VAV2: variants seen among roughly 807,000 people sequenced by gnomAD.
VAV2 encodes the protein vav guanine nucleotide exchange factor 2, also known as guanine nucleotide exchange factor VAV2.
VAV2 carries 67 observed loss-of-function variants against 132.5 expected under a neutral mutation model. That is an observed-to-expected ratio of 0.51 (90% confidence interval 0.42 to 0.62). The LOEUF is 0.62. Among genes scored for constraint, VAV2 ranks in the 20% least tolerant of loss-of-function variants. VAV2 has a pLI of 0.00. For missense variants in VAV2, 938 were observed against 1,153.6 expected (o/e 0.81, Z 2.71); for synonymous variants, 492 against 443.5 (o/e 1.11, Z -1.37).
At chr9:133,938,975 G>C in intron 2 of VAV2, 128 bp downstream of exon 2, 1 of 849,130 alleles carries the variant, frequency 1.2e-6, no homozygotes, top group Non-Finnish European at 2.0e-6. Context: ...GGACATGAGG[G>C]TGCAGAAATC....
At chr9:133,811,632 C>T (rs1304364853) in intron 5 of VAV2, among the ~76,000 whole-genome samples, 1 of 152,224 alleles carries the variant, frequency 6.6e-6, no homozygotes, top group Non-Finnish European at 1.5e-5. Context: ...TGGAAATAAA[C>T]ATCCTCCAAA....
intron 4 of VAV2, among the ~76,000 whole-genome samples, chr9:133,832,378 C>T (rs1330181508): frequency 6.6e-6 from 1 of 152,144 alleles, no homozygotes; most frequent in Non-Finnish European, 1.5e-5. Context: ...AGTAGGGTGG[C>T]TGCAGACTCT....
At chr9:133,960,763 G>A (rs543577523) in intron 1 of VAV2, among the ~76,000 whole-genome samples, 3 of 152,308 alleles carry the variant, frequency 2.0e-5, no homozygotes, top group Non-Finnish European at 4.4e-5. Context: ...TTTGTGGAAC[G>A]CAGGAGTCCC....
chr9:133,866,074 T>C (rs1365850718), intron 2 of VAV2, among the ~76,000 whole-genome samples: 1 of 152,108 alleles, frequency 6.6e-6, no homozygotes, highest in Non-Finnish European at 1.5e-5. Flanking sequence ...ACTGCCTCCA[T>C]TCCATCTCCC....
At chr9:133,979,657 A>G (rs971574031) in intron 1 of VAV2, among the ~76,000 whole-genome samples, 3 of 152,188 alleles carry the variant, frequency 2.0e-5, no homozygotes, top group Non-Finnish European at 2.9e-5. Flanking sequence ...GCCTCCGGCC[A>G]TGTCCCAGAG....
chr9:133,929,184 C>T (rs1282026297), intron 2 of VAV2, among the ~76,000 whole-genome samples: 12 of 152,148 alleles, frequency 7.9e-5, no homozygotes, highest in Admixed American at 7.2e-4. Flanking sequence ...CTGTCCCCAG[C>T]CCTCAATGGT....
At chr9:133,881,604 T>C (rs1838499084) in intron 2 of VAV2, among the ~76,000 whole-genome samples, 2 of 152,180 alleles carry the variant, frequency 1.3e-5, no homozygotes, top group African/African-American at 2.4e-5. Flanking sequence ...CTGAGATCCA[T>C]GGTGGGCCTG....
chr9:133,895,457 C>T (rs56342136), intron 2 of VAV2, among the ~76,000 whole-genome samples: 10,769 of 152,250 alleles, frequency 0.071, 673 homozygotes, highest in African/African-American at 0.17. Context: ...AAACAAATTG[C>T]GGTGGAGCCA....
chr9:133,787,282 G>A (rs745403466), intron 15 of VAV2, 22 bp from the exon 16 acceptor site: 1 of 1,578,344 alleles, frequency 6.3e-7, no homozygotes, highest in Non-Finnish European at 8.6e-7. Context: ...GGAGAGGAGA[G>A]GAAGGGGAAG....
intron 24 of VAV2, among the ~76,000 whole-genome samples, chr9:133,775,260 G>C (rs1395412860): frequency 6.6e-6 from 1 of 152,170 alleles, no homozygotes; most frequent in Non-Finnish European, 1.5e-5. Context: ...TCCTACAGTG[G>C]GATACAGTGA....
At chr9:133,895,482 G>A (rs926529462) in intron 2 of VAV2, among the ~76,000 whole-genome samples, 2 of 152,222 alleles carry the variant, frequency 1.3e-5, no homozygotes, top group South Asian at 2.1e-4. Flanking sequence ...GGACTATCAC[G>A]CCGACGTGAA....
intron 2 of VAV2, among the ~76,000 whole-genome samples, chr9:133,904,801 A>G (rs1358528108): frequency 6.6e-6 from 1 of 152,258 alleles, no homozygotes; most frequent in Non-Finnish European, 1.5e-5. Flanking sequence ...AAGGCCCCAG[A>G]GTACCGGGGT....
chr9:133,916,887 C>A (rs1425375084), intron 2 of VAV2, among the ~76,000 whole-genome samples: 1 of 152,158 alleles, frequency 6.6e-6, no homozygotes, highest in Non-Finnish European at 1.5e-5. Context: ...GTCTGTGTGA[C>A]CCATGGCCAC....
Position 133,788,257 on chromosome 9 carries a change from G to T in VAV2, c.1407+97C>A. On this transcript the variant is annotated intron_variant, in intron 15 of 29. Transcript: ENST00000371850. This position sits in a 1 kb window ranked among gnomAD's most constrained non-coding sequence, Gnocchi z 5.3. ...ACCCACCCGGCCAGCATCAGCGGCT[G>T]ACTTCGAGTCCCCTTCCCCTGGGGT... 1 of 1,301,578 alleles carries T rather than the reference G, an allele frequency of 7.7e-7. No homozygotes were observed. The highest frequency in any genetic ancestry group is 1.1e-6 in the Non-Finnish European group (1 of 951,004). The allele number at this position is 1,301,578 out of a possible 1,614,324, so 80.6% of individuals were successfully genotyped here.
At chr9:133,850,077 C>G (rs922624276) in intron 3 of VAV2, among the ~76,000 whole-genome samples, 1 of 152,206 alleles carries the variant, frequency 6.6e-6, no homozygotes, top group Non-Finnish European at 1.5e-5. Context: ...TGAGAACCAC[C>G]TCTTGCGGCT....
intron 3 of VAV2, among the ~76,000 whole-genome samples, chr9:133,848,105 G>A (rs559266710): frequency 1.0e-3 from 154 of 151,996 alleles, no homozygotes; most frequent in African/African-American, 3.5e-3. Context: ...GTGAAACCCC[G>A]TCTCTACTAA....
intron 2 of VAV2, among the ~76,000 whole-genome samples, chr9:133,890,545 C>CT (rs998578635): frequency 1.3e-5 from 2 of 152,156 alleles, no homozygotes; most frequent in African/African-American, 4.8e-5. Context: ...TAGAGTCCCT[C>CT]TCCCCTTTGT....
At position 133,863,945 on chromosome 9, in the gene VAV2, C is replaced by T. The variant is rs1438428337; in HGVS notation, c.322-2513G>A. On this transcript the variant is annotated intron_variant, in intron 2 of 29. Coordinates refer to ENST00000371850, the MANE Select transcript of VAV2 (RefSeq NM_001134398.2). This position sits in a 1 kb window ranked among gnomAD's most constrained non-coding sequence, Gnocchi z 5.0. ...GTACCTCCCTGCAGGAGGAGGGATG[C>T]CCTACAGTAGCTCCCCAGGGCACCT... Among the ~76,000 whole-genome samples, 1 of 152,126 alleles carries T rather than the reference C, an allele frequency of 6.6e-6. No individual in the cohort carries two copies. Among genetic ancestry groups the T allele is most frequent in the Non-Finnish European group, 1.5e-5 (1 of 67,998 alleles).
At chr9:133,947,092 C>T (rs975335504) in intron 1 of VAV2, among the ~76,000 whole-genome samples, 1 of 152,244 alleles carries the variant, frequency 6.6e-6, no homozygotes, top group Non-Finnish European at 1.5e-5. Context: ...GCTTTCTCCT[C>T]AAGCAGCAGA....
Sources: allele counts gnomAD v4.1 joint callset (sites outside exome capture counted in the v4.1 genomes callset), GRCh38; gene constraint gnomAD v4.1.1; non-coding constraint Gnocchi (gnomAD v3.1); transcripts MANE v1.5; gene names NCBI Gene and HGNC (gene_info 2026-07-23, HGNC 2026-07-21).